PRKG1: variants seen among roughly 807,000 people sequenced by gnomAD.
PRKG1 encodes the protein protein kinase cGMP-dependent 1, also known as cGMP-dependent protein kinase 1.
Under a neutral mutation model 88.1 loss-of-function variants are expected in PRKG1, and 35 were observed. The observed-to-expected ratio is 0.40, with a 90% CI of 0.30 to 0.53. The LOEUF (loss-of-function observed/expected upper bound fraction) is 0.53, where lower values mean the gene tolerates loss of function less well. Among genes scored for constraint, PRKG1 ranks in the 20% least tolerant of loss-of-function variants. The pLI, the probability that PRKG1 is intolerant of heterozygous loss-of-function variation, is 0.59. For missense variants in PRKG1, 540 were observed against 839.8 expected (o/e 0.64, Z 4.41); for synonymous variants, 303 against 292.5 (o/e 1.04, Z -0.37).
At chr10:51,549,390 A>G (rs1198205868) in intron 3 of PRKG1, among the ~76,000 whole-genome samples, 2 of 151,868 alleles carry the variant, frequency 1.3e-5, no homozygotes, top group Non-Finnish European at 2.9e-5. Flanking sequence ...GAAGAACATC[A>G]TTCTGGACTC....
chr10:51,790,765 A>G (rs1026974892), intron 3 of PRKG1, among the ~76,000 whole-genome samples: 25 of 152,126 alleles, frequency 1.6e-4, no homozygotes, highest in Admixed American at 1.6e-3. Context: ...AGTTACTTCA[A>G]AATAACTATC....
At chr10:51,498,401 G>A (rs778399416) in intron 3 of PRKG1, among the ~76,000 whole-genome samples, 3 of 152,118 alleles carry the variant, frequency 2.0e-5, no homozygotes, top group Non-Finnish European at 4.4e-5. Flanking sequence ...AAGAAAAATA[G>A]AATTGTTCCC....
intron 2 of PRKG1, among the ~76,000 whole-genome samples, chr10:51,191,629 C>T (rs1441295934): frequency 6.6e-6 from 1 of 151,446 alleles, no homozygotes; most frequent in East Asian, 1.9e-4. Context: ...TTTTTAATGC[C>T]TTATCTTATT....
chr10:51,399,825 G>C (rs770625211), intron 2 of PRKG1, among the ~76,000 whole-genome samples: 1 of 152,080 alleles, frequency 6.6e-6, no homozygotes, highest in African/African-American at 2.4e-5. Context: ...GACTTCAGGG[G>C]CAACCAATAT....
chr10:51,757,622 G>A (rs1320741487), intron 3 of PRKG1, among the ~76,000 whole-genome samples: 2 of 152,122 alleles, frequency 1.3e-5, no homozygotes, highest in South Asian at 2.1e-4. Context: ...AGTGGTTACT[G>A]AGCACTTGAA....
At chr10:51,169,454 T>A (rs1402875759) in intron 2 of PRKG1, among the ~76,000 whole-genome samples, 1 of 152,176 alleles carries the variant, frequency 6.6e-6, no homozygotes, top group African/African-American at 2.4e-5. Context: ...AGCATTTTCT[T>A]GGGATAAGTT....
At chr10:52,178,714 T>C (rs1040440855) in intron 9 of PRKG1, among the ~76,000 whole-genome samples, 1 of 152,182 alleles carries the variant, frequency 6.6e-6, no homozygotes, top group African/African-American at 2.4e-5. Flanking sequence ...TATATTATTT[T>C]CCTGAATTGA....
chr10:51,628,986 CA>C (rs1229947400), intron 3 of PRKG1, among the ~76,000 whole-genome samples: 1 of 148,224 alleles, frequency 6.7e-6, no homozygotes, highest in Non-Finnish European at 1.5e-5. Context: ...AAAACAAAAA[CA>C]AAAACCAAAA....
intron 9 of PRKG1, among the ~76,000 whole-genome samples, chr10:52,211,423 G>C (rs1467163843): frequency 6.6e-6 from 1 of 152,076 alleles, no homozygotes; most frequent in Non-Finnish European, 1.5e-5. Flanking sequence ...AATGAACAAG[G>C]ACAGCCTATA....
At chr10:52,232,606 T>A (rs1055815947) in intron 9 of PRKG1, among the ~76,000 whole-genome samples, 1 of 152,240 alleles carries the variant, frequency 6.6e-6, no homozygotes, top group Non-Finnish European at 1.5e-5. Context: ...ATATTTCATA[T>A]ATTTACATTA....
At chr10:51,629,205 G>T (rs892054352) in intron 3 of PRKG1, among the ~76,000 whole-genome samples, 3 of 152,008 alleles carry the variant, frequency 2.0e-5, no homozygotes, top group Non-Finnish European at 4.4e-5. Flanking sequence ...CTTGGTCAAA[G>T]ATTTTGAAAG....
chr10:52,119,236 T>C (rs1159764530), intron 7 of PRKG1, among the ~76,000 whole-genome samples: 1 of 152,158 alleles, frequency 6.6e-6, no homozygotes, highest in African/African-American at 2.4e-5. Context: ...TAATTAGAAC[T>C]TTTAAAAAGT....
At chr10:52,202,345 A>G (rs971084762) in intron 9 of PRKG1, among the ~76,000 whole-genome samples, 13 of 152,152 alleles carry the variant, frequency 8.5e-5, no homozygotes, top group Non-Finnish European at 1.3e-4. Flanking sequence ...GATGAATCAC[A>G]TTTATTGATT....
At chr10:51,270,238 A>G (rs186640784) in intron 2 of PRKG1, among the ~76,000 whole-genome samples, 5 of 152,326 alleles carry the variant, frequency 3.3e-5, no homozygotes, top group African/African-American at 1.2e-4. Flanking sequence ...ATAGGTTATG[A>G]TTGAAATATT....
chr10:51,232,151 A>G (rs1459036366), intron 2 of PRKG1, among the ~76,000 whole-genome samples: 1 of 152,174 alleles, frequency 6.6e-6, no homozygotes, highest in Non-Finnish European at 1.5e-5. Context: ...ATGTGTATGT[A>G]CAAAATAAAT....
chr10:51,745,719 A>G (rs1361348107), intron 3 of PRKG1, among the ~76,000 whole-genome samples: 1 of 152,176 alleles, frequency 6.6e-6, no homozygotes, highest in East Asian at 1.9e-4. Context: ...CTAGCTAAAA[A>G]AAGTCCAGGC....
chr10:51,454,886 C>A (rs1269784647), intron 2 of PRKG1, among the ~76,000 whole-genome samples: 1 of 152,152 alleles, frequency 6.6e-6, no homozygotes, highest in African/African-American at 2.4e-5. Context: ...GTGCACTTGA[C>A]CCCTCCCAAA....
intron 2 of PRKG1, among the ~76,000 whole-genome samples, chr10:51,394,725 C>T (rs965183813): frequency 6.6e-5 from 10 of 152,282 alleles, no homozygotes; most frequent in African/African-American, 1.2e-4. Flanking sequence ...ACTTGATCCT[C>T]ACAACAATAC....
rs552998212 is a variant in PRKG1, at chr10:52,286,216, G to A, written c.1710-2510G>A. ...ACACGGCATGTGTGGTATTGGGAGT[G>A]AAGACAGTTAAAGTTCCAGCTGGCC... On this transcript the variant is annotated intron_variant, in intron 14 of 17. Transcript: ENST00000373980. 1.0e-3 allele frequency among the ~76,000 whole-genome samples: 159 copies of A among 152,130 alleles called. 1 individual carries two copies. The highest frequency in any genetic ancestry group is 5.2e-3 in the South Asian group (25 of 4,820).
Sources: allele counts gnomAD v4.1 joint callset (sites outside exome capture counted in the v4.1 genomes callset), GRCh38; gene constraint gnomAD v4.1.1; transcripts MANE v1.5; gene names NCBI Gene and HGNC (gene_info 2026-07-23, HGNC 2026-07-21).